The following P3H2 variants were observed in gnomAD, a reference collection of about 807,000 sequenced individuals.
P3H2 encodes the protein leprecan-like 1.
In P3H2, 80 loss-of-function variants were observed where a neutral mutation model predicts 87.0. The ratio of observed to expected loss-of-function variants is 0.92; its 90% confidence interval spans 0.77 to 1.11. The LOEUF (loss-of-function observed/expected upper bound fraction) is 1.11, where lower values mean the gene tolerates loss of function less well. Among genes scored for constraint, P3H2 ranks in the 50% least tolerant of loss-of-function variants. The pLI, the probability that P3H2 is intolerant of heterozygous loss-of-function variation, is 0.00. For synonymous variants in P3H2, 367 were observed against 359.3 expected (o/e 1.02, Z -0.24); for missense variants, 1,001 against 923.9 (o/e 1.08, Z -1.08).
At chr3:190,074,194 A>G (rs1726793896) in intron 1 of P3H2, among the ~76,000 whole-genome samples, 1 of 152,164 alleles carries the variant, frequency 6.6e-6, no homozygotes, top group Non-Finnish European at 1.5e-5. Flanking sequence ...TATTCCAAAA[A>G]TTGTGAATTT....
intron 1 of P3H2, among the ~76,000 whole-genome samples, chr3:190,052,689 G>GTATATA (rs112938637): frequency 9.4e-5 from 14 of 148,510 alleles, no homozygotes; most frequent in African/African-American, 3.2e-4. Context: ...GTGTGTGTGT[G>GTATATA]TATATATATA....
rs184119580 is a variant in P3H2 at position 190,109,150 on chromosome 3, C to T, written c.480+11102G>A. Reference sequence around the variant, plus strand: ...AGTGGGAAACATCCTACTTTTCTTTCGTGAGACTCTTTTCATGCCTGAGAC... The same window carrying T: ...AGTGGGAAACATCCTACTTTTCTTTTGTGAGACTCTTTTCATGCCTGAGAC... On this transcript the variant is annotated intron_variant, in intron 1 of 14. Coordinates refer to ENST00000319332, the MANE Select transcript of P3H2 (RefSeq NM_018192.4). Among the ~76,000 whole-genome samples, 556 of 152,304 alleles carry T rather than the reference C, an allele frequency of 3.7e-3. 5 individuals are homozygous for T. Among genetic ancestry groups the T allele is most frequent in the Non-Finnish European group, 2.7e-3 (187 of 68,036 alleles).
chr3:190,097,932 G>A (rs1727637957), intron 1 of P3H2, among the ~76,000 whole-genome samples: 1 of 152,130 alleles, frequency 6.6e-6, no homozygotes, highest in Non-Finnish European at 1.5e-5. Context: ...TCTAATTTAT[G>A]TAAGCGCAAT....
chr3:189,966,139 G>GAA (rs369810945), intron 13 of P3H2, among the ~76,000 whole-genome samples: 19 of 93,614 alleles, frequency 2.0e-4, no homozygotes, highest in Non-Finnish European at 3.5e-4. Flanking sequence ...AAGAAAGAAA[G>GAA]AAAGAAAGAA....
intron 1 of P3H2, among the ~76,000 whole-genome samples, chr3:190,017,078 A>G (rs1402150454): frequency 1.3e-5 from 2 of 152,232 alleles, no homozygotes; most frequent in African/African-American, 2.4e-5. Flanking sequence ...TTAGATAGAT[A>G]CATGCATATC....
intron 1 of P3H2, among the ~76,000 whole-genome samples, chr3:190,114,483 G>A (rs1258429755): frequency 6.6e-6 from 1 of 152,112 alleles, no homozygotes; most frequent in Non-Finnish European, 1.5e-5. Flanking sequence ...ACCATGCCCA[G>A]CCTCATCTAA....
chr3:190,057,240 G>C (rs1395495937), intron 1 of P3H2, among the ~76,000 whole-genome samples: 3 of 152,094 alleles, frequency 2.0e-5, no homozygotes, highest in Non-Finnish European at 4.4e-5. Flanking sequence ...GAAGCAAAGG[G>C]AACTTGTTAG....
chr3:189,995,429 T>C lies in P3H2; in HGVS notation c.494A>G (p.Glu165Gly), dbSNP rs753266253. The change falls in exon 2 of 15, where the codon GAA becomes GGA. Residue 165 changes from glutamate to glycine, a missense_variant. Glu to Gly is a moderately conservative substitution (Grantham distance 98, BLOSUM62 -2). Transcript: ENST00000319332. Reference sequence around the variant, plus strand: ...TGTGTGAGCTGCTTCCACTGCTTTTTCGAGCTGGTTAAGCTAAAGAGAAAA... The same window carrying C: ...TGTGTGAGCTGCTTCCACTGCTTTTCCGAGCTGGTTAAGCTAAAGAGAAAA... ...QRAYIKLNQLEKAVEAAHTFF... is the reference protein window; with the variant it reads ...QRAYIKLNQLGKAVEAAHTFF... 19 of 1,613,674 alleles carry C rather than the reference T, an allele frequency of 1.2e-5. No individual in the cohort carries two copies. Among genetic ancestry groups the C allele is most frequent in the South Asian group, 2.2e-5 (2 of 91,086 alleles).
At chr3:189,976,905 T>C (rs889723428) in intron 8 of P3H2, among the ~76,000 whole-genome samples, 4 of 152,248 alleles carry the variant, frequency 2.6e-5, no homozygotes, top group Non-Finnish European at 5.9e-5. Context: ...TACAATTCAC[T>C]ATTTCTCAAA....
intron 3 of P3H2, among the ~76,000 whole-genome samples, chr3:189,992,297 T>C (rs554488828): frequency 7.2e-5 from 11 of 152,240 alleles, no homozygotes; most frequent in African/African-American, 2.4e-4. Context: ...GGTTTCACCA[T>C]GTTGGCCAGG....
chr3:190,085,069 C>T (rs6788300), intron 1 of P3H2, among the ~76,000 whole-genome samples: 17,649 of 151,956 alleles, frequency 0.12, 2,826 homozygotes, highest in African/African-American at 0.36. Flanking sequence ...AGGTTCTTTG[C>T]TTGGGGAGCA....
rs1723182956 is a variant in P3H2, at chr3:189,971,704, T to C, written c.1817+186A>G. The C allele has an allele frequency of 1.2e-5, 7 of 591,292 alleles. No homozygotes were observed. The South Asian group carries it at 1.4e-4, about 11-fold the overall frequency. 36.6% of individuals were successfully genotyped at this position (591,292 alleles called of 1,614,324 possible). On this transcript the variant is annotated intron_variant, in intron 12 of 14. Coordinates refer to ENST00000319332, the MANE Select transcript of P3H2 (RefSeq NM_018192.4). ...GAAATGGGATGCAAACTGTGCACAA[T>C]TTTTAAGATAAAAGTGAGATGATAA...
upstream of P3H2, among the ~76,000 whole-genome samples, chr3:190,121,993 G>A (rs1577335987): frequency 6.6e-6 from 1 of 151,224 alleles, no homozygotes; most frequent in East Asian, 2.0e-4. Context: ...TCAGGAGGCT[G>A]AGGCAGGATA....
intron 1 of P3H2, among the ~76,000 whole-genome samples, chr3:190,092,760 CTT>C (rs980250924): frequency 2.0e-5 from 3 of 152,160 alleles, no homozygotes; most frequent in African/African-American, 7.2e-5. Flanking sequence ...GATAATGAGA[CTT>C]TTAAAAAGAC....
chr3:190,109,659 A>C (rs1396264702), intron 1 of P3H2, among the ~76,000 whole-genome samples: 1 of 152,160 alleles, frequency 6.6e-6, no homozygotes, highest in Non-Finnish European at 1.5e-5. Context: ...CAGATATGGG[A>C]TATAAGCCAA....
chr3:190,083,946 T>C (rs1287710333), intron 1 of P3H2, among the ~76,000 whole-genome samples: 1 of 152,222 alleles, frequency 6.6e-6, no homozygotes, highest in Non-Finnish European at 1.5e-5. Context: ...AATAACATTC[T>C]TCTAGGTTAA....
At chr3:190,009,006 G>C (rs1162829829) in intron 1 of P3H2, among the ~76,000 whole-genome samples, 1 of 152,100 alleles carries the variant, frequency 6.6e-6, no homozygotes, top group Non-Finnish European at 1.5e-5. Flanking sequence ...AGTCTTCATG[G>C]GGATCTTACT....
At chr3:189,980,732 G>A (rs1014689880) in intron 8 of P3H2, among the ~76,000 whole-genome samples, 3 of 152,064 alleles carry the variant, frequency 2.0e-5, no homozygotes, top group Non-Finnish European at 4.4e-5. Flanking sequence ...TTCTAGCACA[G>A]AGCTCCCAAA....
intron 6 of P3H2, among the ~76,000 whole-genome samples, chr3:189,986,355 C>T (rs886498561): frequency 1.2e-4 from 18 of 152,100 alleles, no homozygotes; most frequent in African/African-American, 4.1e-4. Flanking sequence ...GAGGCTGAGG[C>T]GGGCGGATCA....
Sources: allele counts gnomAD v4.1 joint callset (sites outside exome capture counted in the v4.1 genomes callset), GRCh38; gene constraint gnomAD v4.1.1; transcripts MANE v1.5; gene names NCBI Gene and HGNC (gene_info 2026-07-23, HGNC 2026-07-21).